Variants in ALCAM observed in about 807,000 individuals in gnomAD.
ALCAM encodes the protein CD166 antigen.
Under a neutral mutation model 70.9 loss-of-function variants are expected in ALCAM, and 30 were observed. That is an observed-to-expected ratio of 0.42 (90% CI 0.32 to 0.57). ALCAM has a LOEUF of 0.57. Among genes scored for constraint, ALCAM ranks in the 20% least tolerant of loss-of-function variants. The pLI is 0.11. For synonymous variants in ALCAM, 249 were observed against 242.5 expected (o/e 1.03, Z -0.25); for missense variants, 591 against 695.1 (o/e 0.85, Z 1.68).
intron 1 of ALCAM, among the ~76,000 whole-genome samples, chr3:105,509,351 T>C (rs1215787037): frequency 6.6e-6 from 1 of 152,122 alleles, no homozygotes; most frequent in African/African-American, 2.4e-5. Context: ...GATTTCCTTT[T>C]CTCTACATCC....
At chr3:105,557,003 C>A (rs950669946) in intron 14 of ALCAM, among the ~76,000 whole-genome samples, 1 of 151,966 alleles carries the variant, frequency 6.6e-6, no homozygotes, top group Non-Finnish European at 1.5e-5. Flanking sequence ...GAGTAACCTG[C>A]TCAAGATATC....
chr3:105,562,077 C>T (rs758140432), intron 14 of ALCAM, among the ~76,000 whole-genome samples: 2 of 152,196 alleles, frequency 1.3e-5, no homozygotes, highest in African/African-American at 4.8e-5. Context: ...ATTGGTCTTT[C>T]TAGTGTCATT....
intron 1 of ALCAM, among the ~76,000 whole-genome samples, chr3:105,516,097 A>G (rs1460495395): frequency 6.6e-6 from 1 of 151,958 alleles, no homozygotes; most frequent in Non-Finnish European, 1.5e-5. Flanking sequence ...AGGCTAAATT[A>G]CAGCATGTGA....
intron 1 of ALCAM, 95 bp downstream of exon 1, chr3:105,367,576 C>T: frequency 4.8e-6 from 7 of 1,463,086 alleles, no homozygotes; most frequent in Non-Finnish European, 6.6e-6. Flanking sequence ...GGCAGTGCGC[C>T]CAGGCGCGTG....
intron 1 of ALCAM, among the ~76,000 whole-genome samples, chr3:105,442,689 G>A (rs1204068748): frequency 6.6e-6 from 1 of 151,950 alleles, no homozygotes; most frequent in Admixed American, 6.6e-5. Context: ...GCTGAGGCAG[G>A]AGAATGATGT....
intron 1 of ALCAM, among the ~76,000 whole-genome samples, chr3:105,404,386 C>T (rs1029307319): frequency 6.6e-6 from 1 of 152,138 alleles, no homozygotes; most frequent in Non-Finnish European, 1.5e-5. Flanking sequence ...CAGCACATTT[C>T]TCAGCAGAAA....
intron 1 of ALCAM, among the ~76,000 whole-genome samples, chr3:105,437,914 A>G (rs955764808): frequency 2.5e-4 from 38 of 152,270 alleles, no homozygotes; most frequent in African/African-American, 8.9e-4. Context: ...ATTTTTATCA[A>G]TCTTAAATTT....
At chr3:105,520,278 G>A in intron 2 of ALCAM, 111 bp downstream of exon 2, 2 of 725,378 alleles carry the variant, frequency 2.8e-6, no homozygotes, top group East Asian at 2.7e-5. Flanking sequence ...ATTAAACTGT[G>A]AGTACAAATG....
At position 105,393,253 on chromosome 3, in the gene ALCAM, T is replaced by C. The variant is rs549402587; in HGVS notation, c.73+25772T>C. Among the ~76,000 whole-genome samples the C allele has an allele frequency of 6.6e-5, 10 of 151,932 alleles. No individual in the cohort carries two copies. The South Asian group carries it at 2.1e-3, about 31-fold the overall frequency. ...TGAAGTTGCATAGTTTGCTTCTTGA[T>C]TGATGTTTTGAAGTGATTTGCAAAT... is the stretch of plus-strand genomic sequence containing the variant. On this transcript the variant is annotated intron_variant, in intron 1 of 15. Transcript: ENST00000306107.
chr3:105,455,935 A>G (rs1242021159), intron 1 of ALCAM, among the ~76,000 whole-genome samples: 1 of 152,076 alleles, frequency 6.6e-6, no homozygotes, highest in African/African-American at 2.4e-5. Flanking sequence ...CTAAAAACAC[A>G]AAATTAGCCA....
chr3:105,406,768 T>G (rs1387468703), intron 1 of ALCAM, among the ~76,000 whole-genome samples: 1 of 144,510 alleles, frequency 6.9e-6, no homozygotes, highest in African/African-American at 2.5e-5. Context: ...AAAAAAAAAC[T>G]GGTTCTTTGA....
intron 1 of ALCAM, among the ~76,000 whole-genome samples, chr3:105,436,397 C>A (rs1252757808): frequency 6.6e-6 from 1 of 152,002 alleles, no homozygotes; most frequent in East Asian, 1.9e-4. Flanking sequence ...GGCTGGAGTG[C>A]AGTGGTGCGA....
chr3:105,460,636 G>A (rs551954845), intron 1 of ALCAM, among the ~76,000 whole-genome samples: 56 of 151,992 alleles, frequency 3.7e-4, no homozygotes, highest in Non-Finnish European at 6.0e-4. Flanking sequence ...AAGATTCTGA[G>A]GGCAGAGGCA....
intron 1 of ALCAM, among the ~76,000 whole-genome samples, chr3:105,450,910 CGTTCA>C (rs1169118486): frequency 6.6e-6 from 1 of 151,934 alleles, no homozygotes; most frequent in African/African-American, 2.4e-5. Flanking sequence ...ATTTAAACTT[CGTTCA>C]GAAGAATGAC....
chr3:105,368,195 C>T (rs1935121113), intron 1 of ALCAM, among the ~76,000 whole-genome samples: 1 of 120,660 alleles, frequency 8.3e-6, no homozygotes, highest in Non-Finnish European at 1.7e-5. Context: ...CATAGAGCCT[C>T]AGTTCTCAGT....
At chr3:105,389,914 T>C (rs2107350963) in intron 1 of ALCAM, among the ~76,000 whole-genome samples, 1 of 151,954 alleles carries the variant, frequency 6.6e-6, no homozygotes, top group Non-Finnish European at 1.5e-5. Flanking sequence ...AAAGACATTA[T>C]CTCATTCCTT....
At chr3:105,465,048 A>C (rs975141678) in intron 1 of ALCAM, among the ~76,000 whole-genome samples, 1 of 151,474 alleles carries the variant, frequency 6.6e-6, no homozygotes, top group African/African-American at 2.4e-5. Flanking sequence ...ATACTTAGAT[A>C]TTGTGATAAT....
At chr3:105,560,806 C>T (rs1940615713) in intron 14 of ALCAM, among the ~76,000 whole-genome samples, 1 of 152,158 alleles carries the variant, frequency 6.6e-6, no homozygotes, top group East Asian at 1.9e-4. Flanking sequence ...AGCCGTAACA[C>T]ATTTGTCAAA....
At chr3:105,565,005 G>C (rs141379135) in intron 14 of ALCAM, among the ~76,000 whole-genome samples, 1 of 152,076 alleles carries the variant, frequency 6.6e-6, no homozygotes, top group East Asian at 1.9e-4. Context: ...ACTCCAGCCC[G>C]GGCAACAGAG....
Sources: gnomAD v4.1 joint callset for allele counts (sites outside exome capture counted in the v4.1 genomes callset) on GRCh38, gnomAD v4.1.1 for gene constraint, MANE v1.5 for transcripts, NCBI Gene and HGNC (gene_info 2026-07-23, HGNC 2026-07-21) for gene names.